KDR: variants seen among roughly 807,000 people sequenced by gnomAD.
KDR encodes the protein vascular endothelial growth factor receptor 2.
KDR carries 43 observed loss-of-function variants against 160.9 expected under a neutral mutation model. The ratio of observed to expected loss-of-function variants is 0.27; its 90% CI spans 0.21 to 0.34. The LOEUF is 0.34. Among genes scored for constraint, KDR ranks in the 10% least tolerant of loss-of-function variants. The pLI, the probability that KDR is intolerant of heterozygous loss-of-function variation, is 1.00. For synonymous variants in KDR, 617 were observed against 600.1 expected, an observed-to-expected ratio of 1.03 and a Z score of -0.41; for missense variants, 1,469 against 1,666.4, an observed-to-expected ratio of 0.88 and a Z score of 2.06.
chr4:55,095,016 A>G, intron 20 of KDR, 61 bp from the exon 21 acceptor site: 3 of 1,498,372 alleles, frequency 2.0e-6, no homozygotes, highest in East Asian at 4.5e-5. Flanking sequence ...TTAAAAGTTT[A>G]CAACCTTTAA....
At chr4:55,087,800 T>G (rs1719902324) in intron 26 of KDR, 42 bp from the exon 27 acceptor site, 1 of 1,603,592 alleles carries the variant, frequency 6.2e-7, no homozygotes, top group Non-Finnish European at 8.5e-7. Flanking sequence ...TGGCTTCAGT[T>G]CTTCAAGTGC....
At chr4:55,117,827 C>G (rs138574679) in intron 3 of KDR, among the ~76,000 whole-genome samples, 12 of 152,280 alleles carry the variant, frequency 7.9e-5, no homozygotes, top group Non-Finnish European at 1.5e-4. Flanking sequence ...AAATTTATAT[C>G]ATAGGGATCT....
intron 24 of KDR, 74 bp downstream of exon 24, chr4:55,089,617 G>A (rs1220471115): frequency 2.1e-6 from 3 of 1,411,122 alleles, no homozygotes; most frequent in Non-Finnish European, 3.0e-6. Context: ...TAGACATGAA[G>A]TACAGGAGAG....
chr4:55,085,198 G>A lies in KDR; in HGVS notation c.3662+2409C>T, dbSNP rs189434098. ...CCAGCAAGTATGTGTTTTCTTGCAG[G>A]AAGCATGCAAACTTGAGGCCAGAGC... is the stretch of plus-strand genomic sequence containing the variant. On this transcript the variant is annotated intron_variant, in intron 27 of 29. Transcript: ENST00000263923. Among the ~76,000 whole-genome samples the A allele has an allele frequency of 2.5e-3, 387 of 152,270 alleles. 1 individual carries two copies. Among genetic ancestry groups the A allele is most frequent in the African/African-American group, 8.7e-3 (361 of 41,550 alleles).
intron 15 of KDR, among the ~76,000 whole-genome samples, chr4:55,099,769 C>G (rs191223408): frequency 2.1e-3 from 325 of 152,282 alleles, no homozygotes; most frequent in Admixed American, 6.0e-3. Flanking sequence ...TGAGGGCACA[C>G]AGCTAGTCAG....
chr4:55,105,533 A>G (rs141173558), intron 12 of KDR, among the ~76,000 whole-genome samples: 5 of 152,312 alleles, frequency 3.3e-5, no homozygotes, highest in African/African-American at 9.6e-5. Flanking sequence ...CTGAAGCTCA[A>G]TAAGCCAGGC....
chr4:55,090,612 T>C (rs561349393), intron 22 of KDR, among the ~76,000 whole-genome samples: 9 of 152,258 alleles, frequency 5.9e-5, no homozygotes, highest in Middle Eastern at 3.4e-3. Context: ...ATTATAAAGG[T>C]CTATTAAGGC....
At chr4:55,102,868 C>A (rs1310015494) in intron 13 of KDR, among the ~76,000 whole-genome samples, 1 of 152,170 alleles carries the variant, frequency 6.6e-6, no homozygotes, top group Non-Finnish European at 1.5e-5. Context: ...CTTCAAATTT[C>A]TCTTGGAAGT....
rs992612375 is a variant in KDR at position 55,092,476 on chromosome 4, T to C, written c.3069+141A>G. ...ACTCTTACTCAGCAGAAACAGAGCC[T>C]CCCCAGTAGAGCTCTTCTAAAAGAC... On this transcript the variant is annotated intron_variant, in intron 22 of 29. Transcript: ENST00000263923. 11 of 710,248 alleles carry C rather than the reference T, an allele frequency of 1.5e-5. No homozygotes were observed. The Middle Eastern group carries it at 7.1e-4, about 46-fold the overall frequency. The allele number at this position is 710,248 out of a possible 1,614,324, so 44.0% of individuals were successfully genotyped here.
At chr4:55,123,638 G>A (rs745365799) in intron 1 of KDR, among the ~76,000 whole-genome samples, 29 of 152,188 alleles carry the variant, frequency 1.9e-4, no homozygotes, top group Non-Finnish European at 3.2e-4. Context: ...AATGTCATTC[G>A]TTTTCATTGG....
chr4:55,110,509 C>T lies in KDR; in HGVS notation c.1149G>A (p.Leu383=), dbSNP rs1403241356. The change falls in exon 9 of 30, where the codon CTG becomes CTA. Residue 383 remains leucine (L), a synonymous_variant. Transcript: ENST00000263923. ...CTCTTTCACTCACTTCCATAATCGTCAGTACATGCCCCGCTTTAATTGTGT... is the reference window on the plus strand; with the variant it reads ...CTCTTTCACTCACTTCCATAATCGTTAGTACATGCCCCGCTTTAATTGTGT... ...SNHTIKAGHV[L]TIMEVSERDT... 21 of 1,613,948 alleles carry T rather than the reference C, an allele frequency of 1.3e-5. No individual in the cohort carries two copies. The highest frequency in any genetic ancestry group is 1.8e-5 in the Non-Finnish European group (21 of 1,179,928).
At chr4:55,095,516 A>T in intron 20 of KDR, 61 bp downstream of exon 20, 3 of 1,227,322 alleles carry the variant, frequency 2.4e-6, no homozygotes, top group Non-Finnish European at 2.4e-6. Flanking sequence ...ACTAACCTGT[A>T]CCATTTTGAG....
rs2110005079 is a variant in KDR at position 55,081,944 on chromosome 4, G to A, written c.3848+12C>T. On this transcript the variant is annotated intron_variant, in intron 29 of 29. Transcript: ENST00000263923. ...TATTGAAATTTGTCTTTTTAATATG[G>A]CTGAGTCTTACCCAAAAGATGGAGA... 1 of 1,586,946 alleles carries A rather than the reference G, an allele frequency of 6.3e-7. No individual in the cohort carries two copies. Among genetic ancestry groups the A allele is most frequent in the South Asian group, 1.1e-5 (1 of 90,468 alleles).
intron 19 of KDR, among the ~76,000 whole-genome samples, 175 bp downstream of exon 19, chr4:55,096,054 A>G (rs141803654): frequency 3.3e-5 from 5 of 152,338 alleles, no homozygotes; most frequent in African/African-American, 1.2e-4. Context: ...AGAAAGTTTT[A>G]CAATAATTTA....
chr4:55,081,571 G>A (rs1191981845), intron 29 of KDR, among the ~76,000 whole-genome samples: 1 of 152,054 alleles, frequency 6.6e-6, no homozygotes, highest in Non-Finnish European at 1.5e-5. Context: ...TACTTCTTAA[G>A]CACAGATGCA....
chr4:55,086,698 C>T (rs777517607), intron 27 of KDR, among the ~76,000 whole-genome samples: 3 of 152,158 alleles, frequency 2.0e-5, no homozygotes, highest in Non-Finnish European at 2.9e-5. Flanking sequence ...TTCTGCTGCC[C>T]CACACGACTC....
At chr4:55,110,619 C>T (rs369457740) in intron 8 of KDR, 35 bp downstream of exon 8, 54 of 1,611,742 alleles carry the variant, frequency 3.4e-5, no homozygotes, top group South Asian at 1.5e-4. Context: ...TGCTCTCACA[C>T]GAAATGATGC....
intron 22 of KDR, among the ~76,000 whole-genome samples, chr4:55,091,337 A>C (rs1342911517): frequency 6.6e-6 from 1 of 152,192 alleles, no homozygotes; most frequent in African/African-American, 2.4e-5. Context: ...TTTTCCCCCC[A>C]AACAAAAAGT....
chr4:55,114,020 G>C, intron 6 of KDR, 106 bp downstream of exon 6: 1 of 1,136,014 alleles, frequency 8.8e-7, no homozygotes, highest in Non-Finnish European at 1.3e-6. Context: ...TGTGTTTAAG[G>C]CTCTTACATT....
Sources: allele counts gnomAD v4.1 joint callset (sites outside exome capture counted in the v4.1 genomes callset), GRCh38; gene constraint gnomAD v4.1.1; transcripts MANE v1.5; gene names NCBI Gene and HGNC (gene_info 2026-07-23, HGNC 2026-07-21).